The following TNPO3 variants were observed in gnomAD, a reference collection of about 807,000 sequenced individuals.
TNPO3 encodes the protein transportin-3.
In TNPO3, 65 loss-of-function variants were observed where a neutral mutation model predicts 122.8. The ratio of observed to expected loss-of-function variants is 0.53; its 90% confidence interval spans 0.43 to 0.65. The LOEUF (loss-of-function observed/expected upper bound fraction) is 0.65, where lower values mean the gene tolerates loss of function less well. Ranked by LOEUF, TNPO3 falls within the 30% of genes least tolerant of loss-of-function variation. The pLI is 0.00. For synonymous variants in TNPO3, 372 were observed against 411.2 expected, an observed-to-expected ratio of 0.90 and a Z score of 1.15; for missense variants, 850 against 1,136.7, an observed-to-expected ratio of 0.75 and a Z score of 3.63.
At chr7:128,999,934 A>G (rs543930226) in intron 7 of TNPO3, among the ~76,000 whole-genome samples, 1 of 152,264 alleles carries the variant, frequency 6.6e-6, no homozygotes, top group Non-Finnish European at 1.5e-5. Context: ...CTTATACTAT[A>G]AAGAGGTAAA....
chr7:129,019,474 A>G (rs1337582991), intron 1 of TNPO3, among the ~76,000 whole-genome samples: 1 of 152,234 alleles, frequency 6.6e-6, no homozygotes, highest in East Asian at 1.9e-4. Flanking sequence ...AGAAACAGGT[A>G]GAATAAATGG....
intron 21 of TNPO3, among the ~76,000 whole-genome samples, chr7:128,961,090 T>A (rs889593589): frequency 2.0e-5 from 3 of 151,882 alleles, no homozygotes; most frequent in African/African-American, 7.2e-5. Flanking sequence ...ATGAAAAAAA[T>A]TTTTTTATAA....
chr7:128,965,348 C>A (rs1186211554), intron 21 of TNPO3, among the ~76,000 whole-genome samples: 1 of 152,124 alleles, frequency 6.6e-6, no homozygotes, highest in Non-Finnish European at 1.5e-5. Context: ...CATCACTAAT[C>A]ATTAGGGAAA....
At chr7:128,985,691 A>G (rs1800069682) in intron 12 of TNPO3, among the ~76,000 whole-genome samples, 1 of 152,252 alleles carries the variant, frequency 6.6e-6, no homozygotes, top group Non-Finnish European at 1.5e-5. Flanking sequence ...GTTAGACCTC[A>G]CTTCAATGTC....
intron 1 of TNPO3, among the ~76,000 whole-genome samples, chr7:129,041,353 T>C (rs1265785549): frequency 1.3e-5 from 2 of 152,142 alleles, no homozygotes; most frequent in Non-Finnish European, 2.9e-5. Context: ...CAGAGTGAGA[T>C]GCTGTCTCAA....
intron 21 of TNPO3, among the ~76,000 whole-genome samples, chr7:128,965,409 T>C (rs150927102): frequency 4.6e-5 from 7 of 152,300 alleles, no homozygotes; most frequent in Non-Finnish European, 4.4e-5. Context: ...TGTGAAATGC[T>C]AAGATGGCTA....
At chr7:128,968,723 T>C (rs1457491631) in intron 20 of TNPO3, among the ~76,000 whole-genome samples, 1 of 152,130 alleles carries the variant, frequency 6.6e-6, no homozygotes, top group Non-Finnish European at 1.5e-5. Context: ...AAACTTTTTC[T>C]TTTTTGAGAC....
intron 1 of TNPO3, among the ~76,000 whole-genome samples, chr7:129,020,177 T>C (rs1804315424): frequency 6.8e-6 from 1 of 147,018 alleles, no homozygotes; most frequent in African/African-American, 2.5e-5. Context: ...TTCAATGAAA[T>C]AAGGGGTGCA....
chr7:129,030,243 T>C, intron 1 of TNPO3: 1 of 220,410 alleles, frequency 4.5e-6, no homozygotes, highest in Non-Finnish European at 9.6e-6. Context: ...ATGGCCTTGA[T>C]CAGATTGTTG....
In TNPO3 at chr7:129,005,000, T is replaced by C. The variant is rs2150392497; in HGVS notation, c.696+16A>G. The C allele has an allele frequency of 1.3e-6, 2 of 1,591,516 alleles. No homozygotes were observed. Among genetic ancestry groups the C allele is most frequent in the South Asian group, 1.2e-5 (1 of 86,742 alleles). Reference sequence around the variant, plus strand: ...TGATTGGCAGAAATACTTTGATAAATAAGGTCATTACTTACCAAAACCTCA... The same window carrying C: ...TGATTGGCAGAAATACTTTGATAAACAAGGTCATTACTTACCAAAACCTCA... On this transcript the variant is annotated intron_variant, in intron 5 of 22. Transcript: ENST00000265388.
At chr7:129,015,644 G>C (rs112279394) in intron 3 of TNPO3, among the ~76,000 whole-genome samples, 2 of 152,116 alleles carry the variant, frequency 1.3e-5, no homozygotes, top group African/African-American at 4.8e-5. Context: ...ACCAGCCTGG[G>C]CATCACAGGG....
chr7:129,003,190 T>A (rs994614688), intron 5 of TNPO3, among the ~76,000 whole-genome samples: 13 of 150,380 alleles, frequency 8.6e-5, no homozygotes, highest in Admixed American at 7.3e-4. Context: ...GCCACTGCAC[T>A]CCAGCCTGGG....
intron 1 of TNPO3, 114 bp from the exon 2 acceptor site, chr7:129,018,271 C>G: frequency 2.8e-6 from 3 of 1,060,132 alleles, no homozygotes; most frequent in Non-Finnish European, 4.0e-6. Context: ...AAAGAAAAAT[C>G]TGACAAGCTA....
chr7:129,055,231 G>C, upstream of TNPO3: 1 of 160,066 alleles, frequency 6.2e-6, no homozygotes, highest in Non-Finnish European at 1.4e-5. Context: ...AAGTAACCCT[G>C]CCGGGCCAGG....
Position 129,018,099 on chromosome 7 carries a change from C to CATG in TNPO3, c.176_178dup (p.Ser59dup). 6.2e-7 allele frequency: 1 copy of CATG among 1,614,176 alleles called. No homozygotes were observed. Among genetic ancestry groups the CATG allele is most frequent in the Non-Finnish European group, 8.5e-7 (1 of 1,180,036 alleles). On this transcript the variant is annotated inframe_insertion, in exon 2 of 23. Transcript: ENST00000265388. ...TTTCATGGTCTGTGCAGCAAAATAG[C>CATG]ATGACTCCACATCCTGCCGGATCTG...
At chr7:128,989,264 A>G (rs1800503900) in intron 11 of TNPO3, among the ~76,000 whole-genome samples, 1 of 152,214 alleles carries the variant, frequency 6.6e-6, no homozygotes, top group South Asian at 2.1e-4. Flanking sequence ...CAGGAAACAC[A>G]TCAAACTTAA....
chr7:129,055,080 AG>A lies in TNPO3; in HGVS notation c.-311del, dbSNP rs1809332856. 2.7e-6 allele frequency: 1 copy of A among 368,464 alleles called. No individual in the cohort carries two copies. The highest frequency in any genetic ancestry group is 3.8e-5 in the Admixed American group (1 of 26,662). The allele number at this position is 368,464 out of a possible 1,614,324, so 22.8% of individuals were successfully genotyped here. ...CTTGCCCTCAGAAGCCTATCTTGGG[AG>A]GCCACACACCAGTGTACCTAAGGTT... On this transcript the variant is annotated 5_prime_UTR_variant, in exon 1 of 23. Transcript: ENST00000265388.
At chr7:128,986,598 CCATCTTCCT>C (rs1187045007) in intron 12 of TNPO3, 122 bp downstream of exon 12, 2 of 789,362 alleles carry the variant, frequency 2.5e-6, no homozygotes, top group African/African-American at 3.5e-5. Flanking sequence ...AGTGGAAAAG[CCATCTTCCT>C]CATCTTATAA....
chr7:129,027,160 T>C (rs1331717029), intron 1 of TNPO3, among the ~76,000 whole-genome samples: 2 of 152,156 alleles, frequency 1.3e-5, no homozygotes, highest in African/African-American at 4.8e-5. Flanking sequence ...TTCATGTCCA[T>C]ATGCTCCCTA....
Sources: gnomAD v4.1 joint callset for allele counts (sites outside exome capture counted in the v4.1 genomes callset) on GRCh38, gnomAD v4.1.1 for gene constraint, MANE v1.5 for transcripts, NCBI Gene and HGNC (gene_info 2026-07-23, HGNC 2026-07-21) for gene names.